Variants in TCF7L2 observed in about 807,000 individuals in gnomAD.
The protein encoded by TCF7L2 is transcription factor 7 like 2.
Under a neutral mutation model 77.9 loss-of-function variants are expected in TCF7L2, and 23 were observed. The observed-to-expected ratio is 0.30, with a 90% confidence interval of 0.21 to 0.42. The LOEUF (loss-of-function observed/expected upper bound fraction) is 0.42, where lower values mean the gene tolerates loss of function less well. Among genes scored for constraint, TCF7L2 ranks in the 10% least tolerant of loss-of-function variants. The pLI, the probability that TCF7L2 is intolerant of heterozygous loss-of-function variation, is 1.00. For synonymous variants in TCF7L2, 413 were observed against 340.2 expected (o/e 1.21, Z -2.36); for missense variants, 654 against 793.1 (o/e 0.82, Z 2.11).
At chr10:113,030,053 T>G (rs1287704686) in intron 4 of TCF7L2, among the ~76,000 whole-genome samples, 2 of 152,158 alleles carry the variant, frequency 1.3e-5, no homozygotes, top group African/African-American at 2.4e-5. Context: ...AAAGAAACAC[T>G]GTAACCCTAG....
intron 4 of TCF7L2, among the ~76,000 whole-genome samples, chr10:112,970,238 G>T (rs994907271): frequency 3.9e-5 from 6 of 152,064 alleles, no homozygotes; most frequent in South Asian, 4.1e-4. Flanking sequence ...GGATCCAGAA[G>T]AAATGGACCA....
At chr10:112,975,505 A>G (rs1458447620) in intron 4 of TCF7L2, among the ~76,000 whole-genome samples, 1 of 152,042 alleles carries the variant, frequency 6.6e-6, no homozygotes. Flanking sequence ...ATTTGAGACA[A>G]GAGTCTCACT....
chr10:113,008,759 A>G (rs2045985545), intron 4 of TCF7L2, among the ~76,000 whole-genome samples: 2 of 152,136 alleles, frequency 1.3e-5, no homozygotes, highest in South Asian at 4.1e-4. Flanking sequence ...AGTTTGAGAA[A>G]GTGCTTAGCC....
chr10:112,953,269 C>G (rs1469770559), intron 3 of TCF7L2, among the ~76,000 whole-genome samples: 1 of 152,142 alleles, frequency 6.6e-6, no homozygotes, highest in African/African-American at 2.4e-5. Context: ...GCCCGGCGCC[C>G]AGACATGCTT....
intron 6 of TCF7L2, among the ~76,000 whole-genome samples, chr10:113,142,889 G>C (rs1160443716): frequency 6.6e-6 from 1 of 152,250 alleles, no homozygotes; most frequent in African/African-American, 2.4e-5. Flanking sequence ...TAGGGTCCAA[G>C]CCCAGCTAAT....
chr10:113,083,349 T>A (rs891485513), intron 5 of TCF7L2, among the ~76,000 whole-genome samples: 1 of 150,012 alleles, frequency 6.7e-6, no homozygotes. Context: ...CACTCACACA[T>A]GCTCACATTA....
chr10:113,145,001 C>T (rs2069074972), intron 7 of TCF7L2, among the ~76,000 whole-genome samples: 1 of 152,056 alleles, frequency 6.6e-6, no homozygotes, highest in Middle Eastern at 3.4e-3. Context: ...TGGTAAAACT[C>T]AGGTTTGAGT....
chr10:113,145,623 A>G (rs1366649825), intron 7 of TCF7L2, among the ~76,000 whole-genome samples: 3 of 152,066 alleles, frequency 2.0e-5, no homozygotes, highest in African/African-American at 4.8e-5. Flanking sequence ...CCTTTGATTC[A>G]CTGTACTTTA....
At position 113,160,698 on chromosome 10, in the gene TCF7L2, T is replaced by C; in HGVS notation, c.1391+7T>C. 6.3e-7 allele frequency: 1 copy of C among 1,586,162 alleles called. No homozygotes were observed. Among genetic ancestry groups the C allele is most frequent in the Non-Finnish European group, 8.6e-7 (1 of 1,165,350 alleles). ...TATGGTGCAAACCGTGCAGGTATAT[T>C]ACCACTGCGAGGCCTTTGGGAAAAT... On this transcript the variant is annotated splice_region_variant and intron_variant, in intron 13 of 13. Coordinates refer to ENST00000627217, the MANE Select transcript of TCF7L2 (RefSeq NM_001146274.2).
chr10:112,958,815 T>C (rs779500906), intron 3 of TCF7L2, among the ~76,000 whole-genome samples: 18 of 152,170 alleles, frequency 1.2e-4, no homozygotes, highest in Admixed American at 2.0e-4. Context: ...TGAATCACAA[T>C]GGCATACCCA....
chr10:113,140,186 TA>T (rs2068096409), intron 5 of TCF7L2, among the ~76,000 whole-genome samples: 2 of 152,158 alleles, frequency 1.3e-5, no homozygotes, highest in Admixed American at 1.3e-4. Context: ...TGTTTCAGCT[TA>T]ATTTTTTCTT....
chr10:113,028,153 A>C (rs2049540886), intron 4 of TCF7L2, among the ~76,000 whole-genome samples: 1 of 152,190 alleles, frequency 6.6e-6, no homozygotes. Flanking sequence ...GATTACCAAC[A>C]GGGGGAACAA....
At chr10:113,111,982 GA>G (rs2063188424) in intron 5 of TCF7L2, among the ~76,000 whole-genome samples, 2 of 152,160 alleles carry the variant, frequency 1.3e-5, no homozygotes, top group South Asian at 4.2e-4. Flanking sequence ...AGATGGTTTT[GA>G]AAAAAATAAC....
At chr10:112,994,832 G>T (rs1175405252) in intron 4 of TCF7L2, among the ~76,000 whole-genome samples, 2 of 152,168 alleles carry the variant, frequency 1.3e-5, no homozygotes, top group Non-Finnish European at 2.9e-5. Context: ...AGGCACAGTG[G>T]CTCATGCCTG....
At chr10:113,072,084 T>A (rs930696828) in intron 5 of TCF7L2, among the ~76,000 whole-genome samples, 1 of 152,228 alleles carries the variant, frequency 6.6e-6, no homozygotes, top group Non-Finnish European at 1.5e-5. Flanking sequence ...TGAGACGGAG[T>A]CTTGCTCTGT....
chr10:113,095,901 T>C (rs2060908570), intron 5 of TCF7L2, among the ~76,000 whole-genome samples: 1 of 152,140 alleles, frequency 6.6e-6, no homozygotes, highest in Non-Finnish European at 1.5e-5. Context: ...CTACCTCCCT[T>C]TTCCCCTTTC....
At chr10:113,082,309 C>G (rs1034648787) in intron 5 of TCF7L2, among the ~76,000 whole-genome samples, 3 of 146,098 alleles carry the variant, frequency 2.1e-5, no homozygotes, top group African/African-American at 7.7e-5. Flanking sequence ...CATATAATGT[C>G]TTTTTTTAAT....
At chr10:112,952,936 C>T (rs2134254114) in intron 3 of TCF7L2, among the ~76,000 whole-genome samples, 1 of 152,058 alleles carries the variant, frequency 6.6e-6, no homozygotes, top group East Asian at 1.9e-4. Flanking sequence ...CATTTGTGCC[C>T]GGCTTCCCGG....
intron 4 of TCF7L2, among the ~76,000 whole-genome samples, chr10:112,968,560 C>T (rs2134781018): frequency 6.6e-6 from 1 of 152,152 alleles, no homozygotes; most frequent in African/African-American, 2.4e-5. Flanking sequence ...TTTGGGGAGT[C>T]AAAAGGTATA....
Sources: gnomAD v4.1 joint callset for allele counts (sites outside exome capture counted in the v4.1 genomes callset) on GRCh38, gnomAD v4.1.1 for gene constraint, MANE v1.5 for transcripts, NCBI Gene and HGNC (gene_info 2026-07-23, HGNC 2026-07-21) for gene names.